The following PLAAT1 variants were observed in gnomAD, a reference collection of about 807,000 sequenced individuals.
The protein encoded by PLAAT1 is H-REV107 protein-related protein.
A neutral mutation model predicts 16.4 loss-of-function variants in PLAAT1; 13 were observed. The observed-to-expected ratio is 0.79, with a 90% CI of 0.52 to 1.26. PLAAT1 has a LOEUF of 1.26. Among genes scored for constraint, PLAAT1 ranks in the 50% most tolerant of loss-of-function variants. The pLI is 0.00. For missense variants in PLAAT1, 218 were observed against 207.8 expected (o/e 1.05, Z -0.30); for synonymous variants, 73 against 78.4 (o/e 0.93, Z 0.36).
chr3:193,273,274 A>G (rs1717048537), downstream of PLAAT1, among the ~76,000 whole-genome samples: 1 of 152,216 alleles, frequency 6.6e-6, no homozygotes, highest in Admixed American at 6.5e-5. Context: ...ATCATAAACT[A>G]AAAATCTCTT....
At chr3:193,266,589 A>G (rs943325372) in intron 3 of PLAAT1, among the ~76,000 whole-genome samples, 2 of 152,136 alleles carry the variant, frequency 1.3e-5, no homozygotes, top group Middle Eastern at 3.2e-3. Flanking sequence ...CATCATCACC[A>G]TTATTAGTGG....
chr3:193,275,256 T>G, downstream of PLAAT1: 1 of 1,614,042 alleles, frequency 6.2e-7, no homozygotes, highest in Non-Finnish European at 8.5e-7. Flanking sequence ...GAATCCAAAT[T>G]CTCTTTTGAT....
upstream of PLAAT1, among the ~76,000 whole-genome samples, chr3:193,240,654 CGT>C (rs370008875): frequency 0.013 from 1,189 of 88,506 alleles, 27 homozygotes; most frequent in East Asian, 0.091. Flanking sequence ...GGCTATCTGG[CGT>C]GTGTGTGTGT....
downstream of PLAAT1, among the ~76,000 whole-genome samples, chr3:193,273,821 T>C (rs182293153): frequency 6.6e-6 from 1 of 152,180 alleles, no homozygotes; most frequent in African/African-American, 2.4e-5. Flanking sequence ...ATTTAGATAA[T>C]TAAAAGATGA....
chr3:193,256,341 T>C (rs1209425161), intron 2 of PLAAT1, among the ~76,000 whole-genome samples: 1 of 152,148 alleles, frequency 6.6e-6, no homozygotes, highest in African/African-American at 2.4e-5. Flanking sequence ...GCTGTGATTT[T>C]AAATGAAGTG....
At chr3:193,253,301 TTA>T (rs1491427766) in intron 1 of PLAAT1, among the ~76,000 whole-genome samples, 2 of 152,220 alleles carry the variant, frequency 1.3e-5, no homozygotes, top group Non-Finnish European at 2.9e-5. Flanking sequence ...ACTTAACAGT[TTA>T]TGAATCAATT....
chr3:193,258,621 T>A (rs190608889), intron 2 of PLAAT1, among the ~76,000 whole-genome samples: 1 of 152,086 alleles, frequency 6.6e-6, no homozygotes, highest in Non-Finnish European at 1.5e-5. Flanking sequence ...TTATGAACAC[T>A]TCTATAATAC....
At chr3:193,269,587 A>G (rs902489628) in intron 3 of PLAAT1, among the ~76,000 whole-genome samples, 1 of 152,186 alleles carries the variant, frequency 6.6e-6, no homozygotes, top group Non-Finnish European at 1.5e-5. Context: ...ATGCTCAAAT[A>G]TGACCTGGGT....
chr3:193,258,614 T>C (rs368544430), intron 2 of PLAAT1, among the ~76,000 whole-genome samples: 1 of 152,124 alleles, frequency 6.6e-6, no homozygotes, highest in East Asian at 1.9e-4. Context: ...GAGACTATTA[T>C]GAACACTTCT....
At chr3:193,279,221 T>C (rs1390265207), downstream of PLAAT1, 4 of 606,766 alleles carry the variant, frequency 6.6e-6, no homozygotes, top group Non-Finnish European at 1.2e-5. Context: ...AATCCAGATA[T>C]CTTATTTGCC....
chr3:193,272,861 T>A (rs1280147465), downstream of PLAAT1, among the ~76,000 whole-genome samples: 1 of 152,352 alleles, frequency 6.6e-6, no homozygotes, highest in East Asian at 1.9e-4. Flanking sequence ...TTACTCTTGA[T>A]GATGGCCAGC....
chr3:193,260,182 C>T (rs1227897277), intron 2 of PLAAT1, among the ~76,000 whole-genome samples: 1 of 152,110 alleles, frequency 6.6e-6, no homozygotes, highest in Non-Finnish European at 1.5e-5. Context: ...GGACCTCTGC[C>T]TTTCACTATG....
At chr3:193,252,497 T>G (rs1360351721) in intron 1 of PLAAT1, among the ~76,000 whole-genome samples, 1 of 152,206 alleles carries the variant, frequency 6.6e-6, no homozygotes, top group East Asian at 1.9e-4. Flanking sequence ...TTTCGCCCAC[T>G]CTGTAGTCTG....
At chr3:193,265,566 A>G (rs979463166) in intron 3 of PLAAT1, among the ~76,000 whole-genome samples, 2 of 152,048 alleles carry the variant, frequency 1.3e-5, no homozygotes, top group African/African-American at 4.8e-5. Context: ...TGATTGTTGC[A>G]CAAGTCTATG....
chr3:193,256,537 A>G (rs1464411748), intron 2 of PLAAT1, among the ~76,000 whole-genome samples: 1 of 152,198 alleles, frequency 6.6e-6, no homozygotes, highest in African/African-American at 2.4e-5. Flanking sequence ...AAGCTAATAC[A>G]CCTTTTGAAA....
downstream of PLAAT1, among the ~76,000 whole-genome samples, chr3:193,272,089 T>G (rs1308029391): frequency 2.0e-5 from 3 of 152,148 alleles, no homozygotes; most frequent in African/African-American, 7.2e-5. Flanking sequence ...TTCTCTTTCA[T>G]TTTTACTCTA....
intron 3 of PLAAT1, among the ~76,000 whole-genome samples, chr3:193,264,913 A>G (rs889156073): frequency 6.6e-6 from 1 of 152,238 alleles, no homozygotes; most frequent in Non-Finnish European, 1.5e-5. Context: ...ATACGTATCT[A>G]GAATACATAT....
intron 1 of PLAAT1, among the ~76,000 whole-genome samples, chr3:193,250,425 A>G (rs1716147316): frequency 1.3e-5 from 2 of 152,138 alleles, no homozygotes; most frequent in Admixed American, 1.3e-4. Flanking sequence ...GCGGATGCTT[A>G]TACTCTTGAT....
chr3:193,247,763 T>C (rs1417911441), intron 1 of PLAAT1, among the ~76,000 whole-genome samples: 1 of 152,226 alleles, frequency 6.6e-6, no homozygotes, highest in Non-Finnish European at 1.5e-5. Flanking sequence ...TATTGATTTC[T>C]AGGTTTGTGC....
Sources: gnomAD v4.1 joint callset for allele counts (sites outside exome capture counted in the v4.1 genomes callset) on GRCh38, gnomAD v4.1.1 for gene constraint, MANE v1.5 for transcripts, NCBI Gene and HGNC (gene_info 2026-07-23, HGNC 2026-07-21) for gene names.